NFIX: variants seen among roughly 807,000 people sequenced by gnomAD.
NFIX encodes nuclear factor 1 X-type.
In NFIX, 2 loss-of-function variants were observed where a neutral mutation model predicts 53.3. That is an observed-to-expected ratio of 0.04 (90% CI 0.02 to 0.12). The LOEUF is 0.12. NFIX is among the 10% of genes least tolerant of loss of function. The pLI is 1.00. For synonymous variants in NFIX, 244 were observed against 289.0 expected (o/e 0.84, Z 1.58); for missense variants, 310 against 674.5 (o/e 0.46, Z 5.99).
intron 1 of NFIX, among the ~76,000 whole-genome samples, chr19:13,004,566 C>T (rs981969735): frequency 3.3e-5 from 5 of 152,184 alleles, no homozygotes; most frequent in African/African-American, 1.2e-4. Context: ...TGGCACCTCC[C>T]CTCTGCTTGT....
At chr19:12,995,994 C>A in intron 1 of NFIX, 130 bp downstream of exon 1, 2 of 240,712 alleles carry the variant, frequency 8.3e-6, no homozygotes, top group South Asian at 1.5e-4. Flanking sequence ...CCGAGGGGTG[C>A]AGGCTGTGCC....
intron 1 of NFIX, among the ~76,000 whole-genome samples, chr19:13,020,390 T>C (rs1208482566): frequency 6.6e-6 from 1 of 151,388 alleles, no homozygotes; most frequent in African/African-American, 2.4e-5. Context: ...GCGCCCAAAA[T>C]AGGAGGGGAG....
rs746178790 is a variant in NFIX, at chr19:13,025,317, C to A, written c.324C>A (p.Pro108=). 1 of 1,614,112 alleles carries A rather than the reference C, an allele frequency of 6.2e-7. No homozygotes were observed. Among genetic ancestry groups the A allele is most frequent in the South Asian group, 1.1e-5 (1 of 91,090 alleles). ...CCCCCTGCTGCGTGCTCTCCAACCCCGACCAGAAGGGCAAGATCCGGCGGA... is the reference window on the plus strand; with the variant it reads ...CCCCCTGCTGCGTGCTCTCCAACCCAGACCAGAAGGGCAAGATCCGGCGGA... The part of the protein sequence containing the change: ...KKPPCCVLSN[P]DQKGKIRRID... The change falls in exon 2 of 11, where the codon CCC becomes CCA. Residue 108 remains proline (P), a synonymous_variant. Transcript: ENST00000592199. This position sits in a 1 kb window ranked among gnomAD's most constrained non-coding sequence, Gnocchi z 7.5.
intron 2 of NFIX, among the ~76,000 whole-genome samples, chr19:13,063,056 AC>A (rs1459329635): frequency 6.6e-6 from 1 of 151,868 alleles, no homozygotes; most frequent in African/African-American, 2.4e-5. Flanking sequence ...CAGGAGCAGA[AC>A]CCTGCTTAAG....
rs1012273379 is a variant in NFIX, at chr19:13,051,799, C to T, written c.560-21248C>T. Among the ~76,000 whole-genome samples, 5 of 152,208 alleles carry T rather than the reference C, an allele frequency of 3.3e-5. No individual in the cohort carries two copies. Among genetic ancestry groups the T allele is most frequent in the Non-Finnish European group, 7.4e-5 (5 of 68,026 alleles). On this transcript the variant is annotated intron_variant, in intron 2 of 10. Transcript: ENST00000592199. This position sits in a 1 kb window ranked among gnomAD's most constrained non-coding sequence, Gnocchi z 5.1. ...GCGATACTAATCTGTGTCAACAGGC[C>T]CCAGGGGTTAAAGAAACACAACCCG...
At chr19:13,075,905 G>T in intron 6 of NFIX, among the ~76,000 whole-genome samples, 1 of 152,210 alleles carries the variant, frequency 6.6e-6, no homozygotes, top group East Asian at 1.9e-4. Flanking sequence ...TGGTATGGCG[G>T]TGGGAAGCAG....
At position 13,002,910 on chromosome 19, in the gene NFIX, C is replaced by G. The variant is rs541283198; in HGVS notation, c.27+7046C>G. The stretch of plus-strand genomic sequence containing the variant: ...CAGTGCCAGCCTTCCTGGCACAGAT[C>G]GGGCAAGAGCGGGGATCTGTCTGTC... On this transcript the variant is annotated intron_variant, in intron 1 of 10. Coordinates refer to ENST00000592199, the MANE Select transcript of NFIX (RefSeq NM_001365902.3). This position sits in a 1 kb window ranked among gnomAD's most constrained non-coding sequence, Gnocchi z 6.1. Among the ~76,000 whole-genome samples the G allele has an allele frequency of 6.6e-6, 1 of 152,104 alleles. No homozygotes were observed. The highest frequency in any genetic ancestry group is 1.5e-5 in the Non-Finnish European group (1 of 68,004).
rs767642617 is a variant in NFIX, at chr19:13,073,095, A to G, written c.608A>G (p.Lys203Arg). Reference sequence around the variant, plus strand: ...AACCAGCAAGGAGATGCGGACATCAAACCACTGCCCAACGGTCAGTGCCCC... The same window carrying G: ...AACCAGCAAGGAGATGCGGACATCAGACCACTGCCCAACGGTCAGTGCCCC... The part of the protein sequence containing the change: ...SSNQQGDADI[K>R]PLPNGHLSFQ... The change falls in exon 3 of 11, where the codon AAA becomes AGA. Residue 203 changes from lysine (K) to arginine (R), a missense_variant. Physicochemically the swap from Lys to Arg is conservative, Grantham distance 26. Transcript: ENST00000592199. This position sits in a 1 kb window ranked among gnomAD's most constrained non-coding sequence, Gnocchi z 4.5. 6.2e-7 allele frequency: 1 copy of G among 1,614,018 alleles called. No individual in the cohort carries two copies. Among genetic ancestry groups the G allele is most frequent in the South Asian group, 1.1e-5 (1 of 91,088 alleles).
Position 13,028,563 on chromosome 19 carries a change from C to T in NFIX, c.559+3011C>T, listed in dbSNP as rs879477993. ...GCGTTGAAACTCCACTCCCAGAATA[C>T]TGGGTCCAAATACAGAATACTAGGT... is the stretch of plus-strand genomic sequence containing the variant. On this transcript the variant is annotated intron_variant, in intron 2 of 10. Transcript: ENST00000592199. The surrounding 1 kb of genome is among the most constrained non-coding windows in gnomAD (Gnocchi z 4.2). Among the ~76,000 whole-genome samples the T allele has an allele frequency of 1.2e-4, 19 of 152,174 alleles. No individual in the cohort carries two copies. The highest frequency in any genetic ancestry group is 4.6e-4 in the Admixed American group (7 of 15,280).
At chr19:13,069,182 C>T (rs1024645826) in intron 2 of NFIX, among the ~76,000 whole-genome samples, 3 of 152,168 alleles carry the variant, frequency 2.0e-5, no homozygotes, top group Non-Finnish European at 2.9e-5. Flanking sequence ...CTCCAGGGAG[C>T]GCTGGGAGCC....
rs34763159 is a variant in NFIX, at chr19:13,013,064, T to TAAA, written c.28-11949_28-11947dup. Among the ~76,000 whole-genome samples the TAAA allele has an allele frequency of 5.3e-4, 79 of 147,792 alleles. No individual in the cohort carries two copies. The highest frequency in any genetic ancestry group is 2.9e-3 in the Admixed American group (43 of 14,920). On this transcript the variant is annotated intron_variant, in intron 1 of 10. Coordinates refer to ENST00000592199, the MANE Select transcript of NFIX (RefSeq NM_001365902.3). The surrounding 1 kb of genome is among the most constrained non-coding windows in gnomAD (Gnocchi z 5.9). ...GGGCCGCGGGGAGTTGCGCAGACTC[T>TAAA]AAAAAAAAAACCTTTAAAAACCCAA...
In NFIX at chr19:13,000,947, C is replaced by T. The variant is rs189592283; in HGVS notation, c.27+5083C>T. 1.5e-4 allele frequency among the ~76,000 whole-genome samples: 23 copies of T among 152,310 alleles called. No individual in the cohort carries two copies. The East Asian group carries it at 4.1e-3, about 27-fold the overall frequency. On this transcript the variant is annotated intron_variant, in intron 1 of 10. Coordinates refer to ENST00000592199, the MANE Select transcript of NFIX (RefSeq NM_001365902.3). ...TCCTCCCCATCTAACCCACAGGGAG[C>T]CTGGCCTTTTAAATCTGCTGAGATA...
chr19:13,087,584 C>G (rs2017852896), intron 8 of NFIX, among the ~76,000 whole-genome samples: 1 of 151,922 alleles, frequency 6.6e-6, no homozygotes, highest in Non-Finnish European at 1.5e-5. Context: ...CTTTGGGGAG[C>G]CGGGGGAGCA....
chr19:13,023,301 G>A lies in NFIX; in HGVS notation c.28-1720G>A, dbSNP rs569877347. 1.1e-3 allele frequency among the ~76,000 whole-genome samples: 172 copies of A among 149,858 alleles called. 1 individual carries two copies. Among genetic ancestry groups the A allele is most frequent in the African/African-American group, 4.2e-3 (169 of 40,608 alleles). On this transcript the variant is annotated intron_variant, in intron 1 of 10. Coordinates refer to ENST00000592199, the MANE Select transcript of NFIX (RefSeq NM_001365902.3). Reference sequence around the variant, plus strand: ...CCATCCACGTCCTCCCTCGATCCTCGATCTCTCCCTCCCCCCCTTCTTCCT... The same window carrying A: ...CCATCCACGTCCTCCCTCGATCCTCAATCTCTCCCTCCCCCCCTTCTTCCT...
chr19:13,024,436 G>GGA, intron 1 of NFIX: 1 of 1,431,622 alleles, frequency 7.0e-7, no homozygotes, highest in East Asian at 2.5e-5. Flanking sequence ...AACAGCCTGG[G>GGA]GAGAGGGAAG....
At position 13,073,183 on chromosome 19, in the gene NFIX, C is replaced by G. The variant is rs1047036304; in HGVS notation, c.622+74C>G. 2.1e-6 allele frequency: 3 copies of G among 1,409,630 alleles called. No homozygotes were observed. Among genetic ancestry groups the G allele is most frequent in the African/African-American group, 2.8e-5 (2 of 71,026 alleles). The allele number at this position is 1,409,630 out of a possible 1,614,324, so 87.3% of individuals were successfully genotyped here. A position where few individuals can be genotyped will look rare whatever the true frequency, so the allele number is the denominator to read the frequency against. On this transcript the variant is annotated intron_variant, in intron 3 of 10. Coordinates refer to ENST00000592199, the MANE Select transcript of NFIX (RefSeq NM_001365902.3). The surrounding 1 kb of genome is among the most constrained non-coding windows in gnomAD (Gnocchi z 4.5). ...ACTTCCTTCCCCCACCCTGGCTGCC[C>G]TGGCCACCCTCACTTCTTCCCCTTC...
At position 12,998,887 on chromosome 19, in the gene NFIX, G is replaced by C. The variant is rs73925241; in HGVS notation, c.27+3023G>C. Among the ~76,000 whole-genome samples, 1,725 of 152,238 alleles carry C rather than the reference G, an allele frequency of 0.011. 37 individuals are homozygous for C. Among genetic ancestry groups the C allele is most frequent in the African/African-American group, 0.038 (1,590 of 41,510 alleles). ...CTCTTTGACGCACGTATGGACACAG[G>C]AAACTGTGGACTTGTGTTCACAACC... On this transcript the variant is annotated intron_variant, in intron 1 of 10. Coordinates refer to ENST00000592199, the MANE Select transcript of NFIX (RefSeq NM_001365902.3). The surrounding 1 kb of genome is among the most constrained non-coding windows in gnomAD (Gnocchi z 4.4).
chr19:13,039,802 G>A (rs1404370619), intron 2 of NFIX, among the ~76,000 whole-genome samples: 33 of 152,126 alleles, frequency 2.2e-4, no homozygotes, highest in South Asian at 4.1e-4. Flanking sequence ...TCTGTCTCTC[G>A]CGCAGCTTAT....
chr19:13,074,111 A>G, intron 5 of NFIX, 85 bp downstream of exon 5: 1 of 1,560,724 alleles, frequency 6.4e-7, no homozygotes, highest in Non-Finnish European at 8.8e-7. Flanking sequence ...CAGCTGTGTC[A>G]CTGAGGCTAG....
Sources: gnomAD v4.1 joint callset for allele counts (sites outside exome capture counted in the v4.1 genomes callset) on GRCh38, gnomAD v4.1.1 for gene constraint, Gnocchi (gnomAD v3.1) non-coding constraint, MANE v1.5 for transcripts, NCBI Gene and HGNC (gene_info 2026-07-23, HGNC 2026-07-21) for gene names.